Variants in ITGA11 observed in about 807,000 individuals in gnomAD.
ITGA11 encodes integrin alpha-11.
ITGA11 carries 97 observed loss-of-function variants against 141.9 expected under a neutral mutation model. That is an observed-to-expected ratio of 0.68 (90% CI 0.58 to 0.81). ITGA11 has a LOEUF of 0.81. ITGA11 is among the 30% of genes least tolerant of loss of function. The probability of loss-of-function intolerance (pLI) is 0.00; values close to 1 mark genes in which losing one functional copy is unlikely to be tolerated. For synonymous variants in ITGA11, 658 were observed against 624.6 expected (o/e 1.05, Z -0.80); for missense variants, 1,387 against 1,559.2 (o/e 0.89, Z 1.86).
At chr15:68,339,466 G>T in intron 11 of ITGA11, 34 bp downstream of exon 11, 1 of 1,590,872 alleles carries the variant, frequency 6.3e-7, no homozygotes, top group Non-Finnish European at 8.6e-7. Context: ...CCCGGCCCAC[G>T]ACCCGCCAGC....
chr15:68,353,879 C>T (rs1347077039), intron 7 of ITGA11, among the ~76,000 whole-genome samples: 1 of 152,056 alleles, frequency 6.6e-6, no homozygotes, highest in Non-Finnish European at 1.5e-5. Context: ...GGCCCGTTTC[C>T]TCTCTTAGCC....
At position 68,320,313 on chromosome 15, in the gene ITGA11, T is replaced by G; in HGVS notation, c.2488A>C (p.Ile830Leu). ...YTLSFDTTVF[I>L]IESTRQRVAV... ...ACTCGCTGGCGTGTGCTCTCTATGA[T>G]GAAGACTGTGGTGTCGAAGGACAGC... is the stretch of plus-strand genomic sequence containing the variant. Residue 830 changes from isoleucine (I) to leucine (L), a missense_variant, in exon 20 of 30, where the codon ATC becomes CTC. Transcript: ENST00000315757. 6.2e-7 allele frequency: 1 copy of G among 1,613,888 alleles called. No homozygotes were observed. The highest frequency in any genetic ancestry group is 8.5e-7 in the Non-Finnish European group (1 of 1,179,838).
chr15:68,306,579 C>T lies in ITGA11; in HGVS notation c.3381+769G>A, dbSNP rs184046669. On this transcript the variant is annotated intron_variant, in intron 28 of 29. Coordinates refer to ENST00000315757, the MANE Select transcript of ITGA11 (RefSeq NM_001004439.2). ...TCTGTTTCCCCTTTGGGGCCCAAGC[C>T]GTAGGAGACACACCCAACAAATGCC... Among the ~76,000 whole-genome samples, 236 of 152,294 alleles carry T rather than the reference C, an allele frequency of 1.5e-3. 3 individuals are homozygous for T. Among genetic ancestry groups the T allele is most frequent in the African/African-American group, 5.3e-3 (219 of 41,564 alleles).
In ITGA11 at chr15:68,339,638, C is replaced by T. The variant is rs768313201; in HGVS notation, c.1138G>A (p.Val380Ile). 2.0e-5 allele frequency: 33 copies of T among 1,613,976 alleles called. No homozygotes were observed. The stretch of plus-strand genomic sequence containing the variant: ...TAGGCACCGACGGCTCCCAGCAGAA[C>T]CCCATCCTGGCATTGGGGAGGGGAC... ...GFSSHVVEDGVLLGAVGAYDW... is the reference protein window; with the variant it reads ...GFSSHVVEDGILLGAVGAYDW... Residue 380 changes from valine (V) to isoleucine (I), a missense_variant, in exon 11 of 30, where the codon GTT (valine) becomes ATT (isoleucine). Physicochemically the swap from Val to Ile is conservative, Grantham distance 29. Coordinates refer to ENST00000315757, the MANE Select transcript of ITGA11 (RefSeq NM_001004439.2).
rs568905098 is a variant in ITGA11, at chr15:68,320,776, C to T, written c.2409-384G>A. Among the ~76,000 whole-genome samples, 32 of 152,286 alleles carry T rather than the reference C, an allele frequency of 2.1e-4. No individual in the cohort carries two copies. The South Asian group carries it at 6.4e-3, about 31-fold the overall frequency. On this transcript the variant is annotated intron_variant, in intron 19 of 29. Transcript: ENST00000315757. Reference sequence around the variant, plus strand: ...GCCTAGCTGGTTAGAATATGTGCTCCATTATCCTTCTACAAGTTTTGAATG... The same window carrying T: ...GCCTAGCTGGTTAGAATATGTGCTCTATTATCCTTCTACAAGTTTTGAATG...
intron 1 of ITGA11, among the ~76,000 whole-genome samples, chr15:68,410,481 G>C (rs563796523): frequency 6.6e-6 from 1 of 152,314 alleles, no homozygotes; most frequent in Non-Finnish European, 1.5e-5. Flanking sequence ...AAGACCATAA[G>C]CTGGCCTAGG....
chr15:68,366,159 C>T (rs1432130411), intron 3 of ITGA11, among the ~76,000 whole-genome samples: 1 of 152,102 alleles, frequency 6.6e-6, no homozygotes, highest in African/African-American at 2.4e-5. Context: ...CTTTTGTCTG[C>T]CCAAACAAGC....
intron 10 of ITGA11, among the ~76,000 whole-genome samples, chr15:68,347,477 A>G (rs1175110045): frequency 1.3e-5 from 2 of 152,224 alleles, no homozygotes; most frequent in Non-Finnish European, 2.9e-5. Flanking sequence ...TAGGGCAGCT[A>G]TATTTACATC....
rs745741424 is a variant in ITGA11, at chr15:68,328,084, G to A, written c.2068+12C>T. 1.9e-6 allele frequency: 3 copies of A among 1,610,870 alleles called. No homozygotes were observed. Among genetic ancestry groups the A allele is most frequent in the Non-Finnish European group, 2.5e-6 (3 of 1,178,520 alleles). Reference sequence around the variant, plus strand: ...AGTCTGGGGGTGGGGAGAAAGGAGGGGCCTGCTTTACCAACAGTTGTTGTT... The same window carrying A: ...AGTCTGGGGGTGGGGAGAAAGGAGGAGCCTGCTTTACCAACAGTTGTTGTT... On this transcript the variant is annotated intron_variant, in intron 16 of 29. Transcript: ENST00000315757. This position sits in a 1 kb window ranked among gnomAD's most constrained non-coding sequence, Gnocchi z 4.8.
intron 1 of ITGA11, among the ~76,000 whole-genome samples, chr15:68,408,673 G>A (rs992140248): frequency 6.6e-6 from 1 of 152,204 alleles, no homozygotes; most frequent in Non-Finnish European, 1.5e-5. Context: ...GCCATGTGGA[G>A]GAATAGGTGA....
At chr15:68,427,797 C>T (rs1897179640) in intron 1 of ITGA11, among the ~76,000 whole-genome samples, 1 of 152,070 alleles carries the variant, frequency 6.6e-6, no homozygotes, top group South Asian at 2.1e-4. Flanking sequence ...ACCACAGCTC[C>T]TATAGAAAGC....
At chr15:68,369,001 G>C (rs1895508149) in intron 3 of ITGA11, among the ~76,000 whole-genome samples, 183 bp downstream of exon 3, 1 of 151,948 alleles carries the variant, frequency 6.6e-6, no homozygotes, top group Non-Finnish European at 1.5e-5. Context: ...CTGTGGAAAA[G>C]TTGCCTCCTC....
At chr15:68,375,882 A>C (rs1460490829) in intron 2 of ITGA11, among the ~76,000 whole-genome samples, 3 of 152,154 alleles carry the variant, frequency 2.0e-5, no homozygotes, top group African/African-American at 7.2e-5. Flanking sequence ...TAGGCTAAGG[A>C]AAGCAAATCA....
At chr15:68,430,925 C>A (rs1897252944) in intron 1 of ITGA11, among the ~76,000 whole-genome samples, 1 of 152,242 alleles carries the variant, frequency 6.6e-6, no homozygotes, top group Non-Finnish European at 1.5e-5. Context: ...GGGGTCTCCA[C>A]CTGAGCTCCC....
Position 68,299,443 on chromosome 15 carries a change from A to G in ITGA11, c.*3616T>C, listed in dbSNP as rs1454785841. 6.6e-6 allele frequency: 1 copy of G among 151,622 alleles called. No individual in the cohort carries two copies. Among genetic ancestry groups the G allele is most frequent in the Non-Finnish European group, 1.5e-5 (1 of 67,936 alleles). 9.4% of individuals were successfully genotyped at this position (151,622 alleles called of 1,614,324 possible). A position where few individuals can be genotyped will look rare whatever the true frequency, so the allele number is the denominator to read the frequency against. On this transcript the variant is annotated 3_prime_UTR_variant, in exon 30 of 30. Transcript: ENST00000315757. ...GTTTTTTTTTTTTTTAAATTATAAG[A>G]AGGAGTGCAGGATAAAAGGCTGGAA...
chr15:68,317,232 C>A (rs377241828), intron 21 of ITGA11, 33 bp downstream of exon 21: 5 of 1,495,432 alleles, frequency 3.3e-6, no homozygotes, highest in Non-Finnish European at 4.7e-6. Context: ...AGTGCCCACC[C>A]TGACCCTCCC....
chr15:68,342,904 TG>T (rs1316053362), intron 10 of ITGA11, among the ~76,000 whole-genome samples: 5 of 152,074 alleles, frequency 3.3e-5, no homozygotes, highest in African/African-American at 1.2e-4. Context: ...ATCCCTGGCG[TG>T]GTGGTGAGAG....
intron 26 of ITGA11, among the ~76,000 whole-genome samples, chr15:68,309,147 A>G (rs1412032742): frequency 1.3e-5 from 2 of 152,220 alleles, no homozygotes; most frequent in Non-Finnish European, 2.9e-5. Context: ...GACAAAGCAC[A>G]AAAAAAGCAA....
At chr15:68,400,577 T>C (rs1025335435) in intron 2 of ITGA11, among the ~76,000 whole-genome samples, 1 of 105,474 alleles carries the variant, frequency 9.5e-6, no homozygotes, top group Non-Finnish European at 1.8e-5. Flanking sequence ...ATATACAGAA[T>C]ATATATATTT....
Sources: allele counts gnomAD v4.1 joint callset (sites outside exome capture counted in the v4.1 genomes callset), GRCh38; gene constraint gnomAD v4.1.1; non-coding constraint Gnocchi (gnomAD v3.1); transcripts MANE v1.5; gene names NCBI Gene and HGNC (gene_info 2026-07-23, HGNC 2026-07-21).